The following ALK variants were observed in gnomAD, a reference collection of about 807,000 sequenced individuals.
ALK encodes ALK receptor tyrosine kinase.
Under a neutral mutation model 163.1 loss-of-function variants are expected in ALK, and 74 were observed. The observed-to-expected ratio is 0.45, with a 90% CI of 0.38 to 0.55. ALK has a LOEUF of 0.55. ALK is among the 20% of genes least tolerant of loss of function. The pLI is 0.00. For missense variants in ALK, 2,063 were observed against 2,105.3 expected (o/e 0.98, Z 0.39); for synonymous variants, 960 against 843.2 (o/e 1.14, Z -2.40).
At chr2:29,627,014 C>T (rs1420785545) in intron 3 of ALK, among the ~76,000 whole-genome samples, 3 of 152,152 alleles carry the variant, frequency 2.0e-5, no homozygotes, top group Non-Finnish European at 2.9e-5. Context: ...ATTAGACTTG[C>T]TTCTAGGAGC....
chr2:29,235,623 G>C (rs554874028), intron 13 of ALK, among the ~76,000 whole-genome samples: 1 of 152,204 alleles, frequency 6.6e-6, no homozygotes, highest in East Asian at 1.9e-4. Flanking sequence ...TGTGCCCTGA[G>C]GGTTGGCCCT....
chr2:29,508,513 C>G (rs1387192647), intron 4 of ALK, among the ~76,000 whole-genome samples: 1 of 151,720 alleles, frequency 6.6e-6, no homozygotes, highest in Non-Finnish European at 1.5e-5. Context: ...ACATGGACAC[C>G]AGAAGGGGAA....
intron 1 of ALK, among the ~76,000 whole-genome samples, chr2:29,870,637 A>G (rs912798990): frequency 1.3e-5 from 2 of 152,304 alleles, no homozygotes; most frequent in African/African-American, 4.8e-5. Flanking sequence ...GCTTACAAAG[A>G]CTTTTTAATG....
chr2:29,517,659 C>A (rs1387389639), intron 4 of ALK, among the ~76,000 whole-genome samples: 1 of 152,278 alleles, frequency 6.6e-6, no homozygotes, highest in Non-Finnish European at 1.5e-5. Context: ...TTATCTGACT[C>A]TCCTGATGAT....
intron 3 of ALK, among the ~76,000 whole-genome samples, chr2:29,553,569 A>G (rs1053512267): frequency 6.6e-6 from 1 of 151,784 alleles, no homozygotes; most frequent in African/African-American, 2.4e-5. Flanking sequence ...AAACATGCTC[A>G]CTCCTTGACA....
At chr2:29,664,509 C>A (rs1208463247) in intron 3 of ALK, among the ~76,000 whole-genome samples, 1 of 152,062 alleles carries the variant, frequency 6.6e-6, no homozygotes, top group African/African-American at 2.4e-5. Flanking sequence ...GCTACCCTTT[C>A]CTCATACTCT....
chr2:29,368,918 T>C (rs946037515), intron 5 of ALK, among the ~76,000 whole-genome samples: 1 of 152,178 alleles, frequency 6.6e-6, no homozygotes, highest in South Asian at 2.1e-4. Context: ...AATATGATTT[T>C]ACTGAAGACT....
intron 5 of ALK, among the ~76,000 whole-genome samples, chr2:29,349,333 GC>G (rs1393201422): frequency 2.0e-5 from 3 of 152,126 alleles, no homozygotes; most frequent in African/African-American, 7.2e-5. Context: ...CTGGGTTTTG[GC>G]CTCTGTTTGT....
intron 1 of ALK, among the ~76,000 whole-genome samples, chr2:29,748,461 G>C (rs932487513): frequency 6.6e-6 from 1 of 152,214 alleles, no homozygotes; most frequent in Non-Finnish European, 1.5e-5. Context: ...TTCTGATTAA[G>C]TGTCTGGGGT....
intron 1 of ALK, among the ~76,000 whole-genome samples, chr2:29,845,430 C>A (rs1259613428): frequency 1.5e-5 from 1 of 68,144 alleles, no homozygotes; most frequent in African/African-American, 5.1e-5. Flanking sequence ...CTTCCTCAAC[C>A]TTTAACGACA....
At chr2:29,734,978 T>G (rs1364773958) in intron 1 of ALK, among the ~76,000 whole-genome samples, 1 of 152,226 alleles carries the variant, frequency 6.6e-6, no homozygotes, top group Admixed American at 6.5e-5. Context: ...AATAATTGAC[T>G]AACAATGAGT....
chr2:29,305,979 G>A (rs1393871025), intron 8 of ALK, among the ~76,000 whole-genome samples: 4 of 152,080 alleles, frequency 2.6e-5, no homozygotes, highest in East Asian at 1.9e-4. Flanking sequence ...GCAGTAACGC[G>A]AGGGATGGCG....
chr2:29,272,183 A>AGG (rs1360173399), intron 11 of ALK, among the ~76,000 whole-genome samples: 39 of 74,994 alleles, frequency 5.2e-4, no homozygotes, highest in South Asian at 1.7e-3. Context: ...GAGTCGGGTG[A>AGG]GGGAGAGAGA....
At chr2:29,510,874 C>G (rs930264132) in intron 4 of ALK, among the ~76,000 whole-genome samples, 1 of 152,080 alleles carries the variant, frequency 6.6e-6, no homozygotes, top group African/African-American at 2.4e-5. Context: ...ATCAGAGGCC[C>G]AGGAATACCA....
intron 4 of ALK, among the ~76,000 whole-genome samples, chr2:29,517,735 C>T (rs115608705): frequency 0.057 from 8,649 of 152,210 alleles, 801 homozygotes; most frequent in African/African-American, 0.2. Flanking sequence ...TTCACCAGTT[C>T]CAGAACATCA....
chr2:29,586,033 T>C (rs1674877423), intron 3 of ALK, among the ~76,000 whole-genome samples: 2 of 152,216 alleles, frequency 1.3e-5, no homozygotes, highest in Non-Finnish European at 2.9e-5. Flanking sequence ...AAAGCATGCC[T>C]ATTTCATCAC....
chr2:29,233,757 G>C (rs1664288719), intron 13 of ALK, 61 bp from the exon 14 acceptor site: 2 of 1,609,382 alleles, frequency 1.2e-6, no homozygotes, highest in African/African-American at 2.7e-5. Context: ...CTTTGCAGCA[G>C]ACAGAACTTC....
rs79946728 is a variant in ALK at position 29,456,371 on chromosome 2, A to G, written c.1155-72512T>C. On this transcript the variant is annotated intron_variant, in intron 4 of 28. Transcript: ENST00000389048. ...GTGGCACGCACACACACAATGTAAT[A>G]TTATTCAGCCTTAAAGAGGAAAAAA... Among the ~76,000 whole-genome samples the G allele has an allele frequency of 7.2e-3, 1,099 of 152,312 alleles. 10 individuals carry two copies. The highest frequency in any genetic ancestry group is 0.024 in the African/African-American group (1,018 of 41,572).
At chr2:29,691,752 CA>C (rs1245899459) in intron 3 of ALK, among the ~76,000 whole-genome samples, 3 of 152,254 alleles carry the variant, frequency 2.0e-5, no homozygotes, top group African/African-American at 7.2e-5. Flanking sequence ...TGTCAGCGAT[CA>C]CAGGTGGAGG....
Sources: allele counts gnomAD v4.1 joint callset (sites outside exome capture counted in the v4.1 genomes callset), GRCh38; gene constraint gnomAD v4.1.1; transcripts MANE v1.5; gene names NCBI Gene and HGNC (gene_info 2026-07-23, HGNC 2026-07-21).